POU2F3: variants seen among roughly 807,000 people sequenced by gnomAD.
POU2F3 encodes the protein POU domain, class 2, transcription factor 3.
Under a neutral mutation model 59.2 loss-of-function variants are expected in POU2F3, and 23 were observed. The observed-to-expected ratio is 0.39, with a 90% confidence interval of 0.28 to 0.55. The LOEUF is 0.55. Ranked by LOEUF, POU2F3 falls within the 20% of genes least tolerant of loss-of-function variation. POU2F3 has a pLI of 0.66. For synonymous variants in POU2F3, 190 were observed against 214.6 expected, an observed-to-expected ratio of 0.89 and a Z score of 1.00; for missense variants, 473 against 544.5, an observed-to-expected ratio of 0.87 and a Z score of 1.31.
Position 120,305,074 on chromosome 11 carries a change from C to A in POU2F3, c.489C>A (p.His163Gln), listed in dbSNP as rs1240389112. The A allele has an allele frequency of 3.1e-6, 5 of 1,613,794 alleles. No individual in the cohort carries two copies. Among genetic ancestry groups the A allele is most frequent in the Non-Finnish European group, 4.2e-6 (5 of 1,179,938 alleles). Residue 163 changes from histidine to glutamine, a missense_variant, in exon 7 of 13, where the codon CAC becomes CAA. His to Gln is a conservative substitution (Grantham distance 24, BLOSUM62 0). Coordinates refer to ENST00000543440, the MANE Select transcript of POU2F3 (RefSeq NM_014352.4). ...TGCCAGGATCCTCTTTAGAACCCCA[C>A]CTGGAAGCATCCCAGCATCTCCCAG... is the stretch of plus-strand genomic sequence containing the variant. ...PGLPGSSLEP[H>Q]LEASQHLPVP...
chr11:120,305,359 G>A (rs1340604629), intron 7 of POU2F3, 147 bp downstream of exon 7: 2 of 1,001,052 alleles, frequency 2.0e-6, no homozygotes, highest in African/African-American at 1.6e-5. Context: ...ATAGGGCACA[G>A]TTGCCATTGG....
At chr11:120,292,582 A>G (rs1052395063) in intron 3 of POU2F3, among the ~76,000 whole-genome samples, 1 of 152,176 alleles carries the variant, frequency 6.6e-6, no homozygotes, top group Non-Finnish European at 1.5e-5. Flanking sequence ...ACTTTTCCCT[A>G]GTCAAAGAAC....
At chr11:120,292,811 G>A (rs1277458515) in intron 3 of POU2F3, among the ~76,000 whole-genome samples, 4 of 152,264 alleles carry the variant, frequency 2.6e-5, no homozygotes, top group Non-Finnish European at 5.9e-5. Flanking sequence ...GGGTGGGTCT[G>A]CCATGAGGGC....
chr11:120,296,541 C>T (rs371260652), intron 3 of POU2F3, among the ~76,000 whole-genome samples: 6 of 152,212 alleles, frequency 3.9e-5, no homozygotes, highest in African/African-American at 1.4e-4. Flanking sequence ...TTTTCCTGAT[C>T]CTCTCCCTCC....
At chr11:120,248,418 G>A (rs910718328) in intron 2 of POU2F3, among the ~76,000 whole-genome samples, 1 of 152,240 alleles carries the variant, frequency 6.6e-6, no homozygotes, top group Non-Finnish European at 1.5e-5. Context: ...AGAGTTACTT[G>A]AGATGATGTC....
chr11:120,269,299 A>T, intron 3 of POU2F3, 55 bp downstream of exon 3: 1 of 1,408,470 alleles, frequency 7.1e-7, no homozygotes, highest in Non-Finnish European at 1.0e-6. Flanking sequence ...GGCATCACCT[A>T]TACTGTCTGG....
intron 12 of POU2F3, among the ~76,000 whole-genome samples, chr11:120,318,068 C>T (rs903816764): frequency 6.6e-6 from 1 of 152,146 alleles, no homozygotes; most frequent in Non-Finnish European, 1.5e-5. Context: ...TCCTCACCTA[C>T]CCCTACTGAG....
chr11:120,253,899 G>A (rs549660001), intron 2 of POU2F3, among the ~76,000 whole-genome samples: 1 of 152,290 alleles, frequency 6.6e-6, no homozygotes, highest in East Asian at 1.9e-4. Flanking sequence ...GAGATGTTGG[G>A]GGATGATGAT....
chr11:120,241,569 G>A (rs1938664740), intron 1 of POU2F3, among the ~76,000 whole-genome samples: 1 of 152,206 alleles, frequency 6.6e-6, no homozygotes, highest in African/African-American at 2.4e-5. Context: ...ATCCAACTGG[G>A]TGTCATCCAG....
chr11:120,263,962 G>A (rs1022622020), intron 2 of POU2F3, among the ~76,000 whole-genome samples: 8 of 152,122 alleles, frequency 5.3e-5, no homozygotes, highest in African/African-American at 1.9e-4. Flanking sequence ...TACTGTTTTA[G>A]ACACTTGGGG....
At chr11:120,275,114 G>A (rs1190726407) in intron 3 of POU2F3, among the ~76,000 whole-genome samples, 1 of 152,216 alleles carries the variant, frequency 6.6e-6, no homozygotes, top group Non-Finnish European at 1.5e-5. Flanking sequence ...GACTTGGACT[G>A]TAGAATTCCC....
intron 3 of POU2F3, among the ~76,000 whole-genome samples, chr11:120,288,134 A>AC (rs950573760): frequency 5.4e-5 from 8 of 147,852 alleles, no homozygotes; most frequent in African/African-American, 2.0e-4. Flanking sequence ...AAACCAAAAA[A>AC]AAAAAAAAAA....
intron 2 of POU2F3, among the ~76,000 whole-genome samples, chr11:120,251,134 A>AT (rs1221882996): frequency 6.6e-6 from 1 of 152,070 alleles, no homozygotes; most frequent in Non-Finnish European, 1.5e-5. Flanking sequence ...TGCCCAGCTA[A>AT]TTTTTTTAAA....
At position 120,246,490 on chromosome 11, in the gene POU2F3, C is replaced by T. The variant is rs150644971; in HGVS notation, c.70C>T (p.Arg24Cys). ...SGDVADSTDA[R>C]STLSQVEPGN... is the part of the protein sequence containing the mutation. Reference sequence around the variant, plus strand: ...GGATGTAGCCGATTCCACGGATGCTCGCAGCACTCTCAGCCAGGTGGAGCC... The same window carrying T: ...GGATGTAGCCGATTCCACGGATGCTTGCAGCACTCTCAGCCAGGTGGAGCC... Residue 24 changes from arginine to cysteine, a missense_variant, in exon 2 of 13, where the codon CGC becomes TGC. Physicochemically the swap from Arg to Cys is radical, Grantham distance 180. Transcript: ENST00000543440. 9 of 1,612,910 alleles carry T rather than the reference C, an allele frequency of 5.6e-6. No homozygotes were observed. Among genetic ancestry groups the T allele is most frequent in the African/African-American group, 2.7e-5 (2 of 74,536 alleles).
chr11:120,290,831 C>G (rs180959902), intron 3 of POU2F3, among the ~76,000 whole-genome samples: 1 of 152,188 alleles, frequency 6.6e-6, no homozygotes, highest in Non-Finnish European at 1.5e-5. Context: ...TGGGCACGCG[C>G]GTGCACGCGT....
intron 2 of POU2F3, among the ~76,000 whole-genome samples, chr11:120,267,219 C>G (rs1939863771): frequency 6.6e-6 from 1 of 151,966 alleles, no homozygotes; most frequent in Non-Finnish European, 1.5e-5. Flanking sequence ...ACCTCCGCCT[C>G]CCGGGTTCAA....
intron 3 of POU2F3, among the ~76,000 whole-genome samples, chr11:120,292,225 G>A (rs1941048292): frequency 6.6e-6 from 1 of 152,196 alleles, no homozygotes; most frequent in African/African-American, 2.4e-5. Context: ...TTGGAGGCAA[G>A]GATGGGTCCT....
At chr11:120,291,746 C>T (rs1248798023) in intron 3 of POU2F3, among the ~76,000 whole-genome samples, 4 of 152,142 alleles carry the variant, frequency 2.6e-5, no homozygotes, top group African/African-American at 7.2e-5. Context: ...ACATAGCAAG[C>T]ATACTTACAT....
chr11:120,304,887 C>T, intron 6 of POU2F3, 143 bp from the exon 7 acceptor site: 1 of 576,886 alleles, frequency 1.7e-6, no homozygotes, highest in Non-Finnish European at 2.8e-6. Flanking sequence ...ATATAAGACT[C>T]CAATGTACCC....
Sources: allele counts gnomAD v4.1 joint callset (sites outside exome capture counted in the v4.1 genomes callset), GRCh38; gene constraint gnomAD v4.1.1; transcripts MANE v1.5; gene names NCBI Gene and HGNC (gene_info 2026-07-23, HGNC 2026-07-21).